PDE1C: variants seen among roughly 807,000 people sequenced by gnomAD.
PDE1C encodes the protein dual specificity calcium/calmodulin-dependent 3',5'-cyclic nucleotide phosphodiesterase 1C.
Under a neutral mutation model 93.1 loss-of-function variants are expected in PDE1C, and 62 were observed. That is an observed-to-expected ratio of 0.67 (90% CI 0.54 to 0.82). The LOEUF (loss-of-function observed/expected upper bound fraction) is 0.82. PDE1C is among the 40% of genes least tolerant of loss of function. The probability of loss-of-function intolerance (pLI) is 0.00; values close to 1 mark genes in which losing one functional copy is unlikely to be tolerated. For synonymous variants in PDE1C, 325 were observed against 310.1 expected (o/e 1.05, Z -0.50); for missense variants, 742 against 884.6 (o/e 0.84, Z 2.04).
intron 3 of PDE1C, among the ~76,000 whole-genome samples, chr7:32,123,924 T>C (rs1799433652): frequency 6.6e-6 from 1 of 152,216 alleles, no homozygotes; most frequent in Non-Finnish European, 1.5e-5. Context: ...TTGTGTCTGT[T>C]TGTGATGACG....
At chr7:31,645,874 T>C in the PDE1C span, among the ~76,000 whole-genome samples, 1 of 152,064 alleles carries the variant, frequency 6.6e-6, no homozygotes, top group Non-Finnish European at 1.5e-5. Context: ...ATGTCAGTAG[T>C]GTCAAGGCTG....
chr7:31,965,207 TG>T (rs923964780), intron 2 of PDE1C, among the ~76,000 whole-genome samples: 38 of 146,286 alleles, frequency 2.6e-4, no homozygotes, highest in African/African-American at 9.7e-4. Flanking sequence ...TTAAAAACCT[TG>T]AAAAAAAATT....
intron 1 of PDE1C, among the ~76,000 whole-genome samples, chr7:32,355,991 T>C (rs1415321095): frequency 3.9e-5 from 6 of 152,244 alleles, no homozygotes; most frequent in Non-Finnish European, 7.3e-5. Flanking sequence ...TGGGATGTGT[T>C]CCTCATTGAG....
At chr7:31,904,754 T>C (rs7357122) in intron 2 of PDE1C, among the ~76,000 whole-genome samples, 64,687 of 151,918 alleles carry the variant, frequency 0.43, 15,603 homozygotes, top group Non-Finnish European at 0.54. Flanking sequence ...ATCCTCTATG[T>C]TTCATGCCTA....
the PDE1C span, among the ~76,000 whole-genome samples, chr7:31,624,185 G>A: frequency 2.7e-5 from 4 of 147,506 alleles, no homozygotes; most frequent in African/African-American, 1.0e-4. Context: ...TCGTGAAAAT[G>A]GCCATACTGC....
At chr7:32,405,101 CTTCTGTTGTACAGTATCA>C (rs1252969916) in intron 1 of PDE1C, among the ~76,000 whole-genome samples, 2 of 152,150 alleles carry the variant, frequency 1.3e-5, no homozygotes, top group African/African-American at 4.8e-5. Flanking sequence ...TAACATACCT[CTTCTGTTGTACAGTATCA>C]TTCTGTTGTA....
intron 1 of PDE1C, among the ~76,000 whole-genome samples, chr7:32,213,201 C>G (rs1398038082): frequency 6.6e-6 from 1 of 152,098 alleles, no homozygotes; most frequent in Non-Finnish European, 1.5e-5. Flanking sequence ...AATTTTTAAA[C>G]AATTGTCAGC....
intron 2 of PDE1C, among the ~76,000 whole-genome samples, chr7:32,005,165 C>T (rs1238097138): frequency 6.6e-6 from 1 of 152,124 alleles, no homozygotes; most frequent in African/African-American, 2.4e-5. Context: ...TTGATCAAAA[C>T]CCCTGGCCAT....
chr7:31,843,916 C>T (rs1440644014), intron 9 of PDE1C, among the ~76,000 whole-genome samples: 1 of 151,424 alleles, frequency 6.6e-6, no homozygotes, highest in African/African-American at 2.4e-5. Context: ...TTAGTGGTTG[C>T]TTGGGGATTA....
At chr7:31,617,315 C>T in the PDE1C span, among the ~76,000 whole-genome samples, 6,450 of 152,106 alleles carry the variant, frequency 0.042, 393 homozygotes, top group African/African-American at 0.14. Context: ...ACAAGTATTT[C>T]ATTGATAAGC....
Position 32,282,187 on chromosome 7 carries a change from A to C in PDE1C, c.85+16464T>G, listed in dbSNP as rs111789064. On this transcript the variant is annotated intron_variant, in intron 1 of 18. Transcript: ENST00000396193. ...AAAAAAAAAAGAAAGAAAGAAATATAGATGGTCGGCCGGGTGTGGTGGCTC... is the reference window on the plus strand; with the variant it reads ...AAAAAAAAAAGAAAGAAAGAAATATCGATGGTCGGCCGGGTGTGGTGGCTC... Among the ~76,000 whole-genome samples, 1,258 of 151,828 alleles carry C rather than the reference A, an allele frequency of 8.3e-3. 20 individuals carry two copies. The highest frequency in any genetic ancestry group is 0.029 in the African/African-American group (1,219 of 41,386).
At chr7:32,282,319 A>G (rs62457500) in intron 1 of PDE1C, among the ~76,000 whole-genome samples, 1 of 151,786 alleles carries the variant, frequency 6.6e-6, no homozygotes, top group Non-Finnish European at 1.5e-5. Context: ...TCTACTAAAA[A>G]TACAAAATTA....
the PDE1C span, among the ~76,000 whole-genome samples, chr7:31,680,884 G>A: frequency 6.6e-6 from 1 of 152,162 alleles, no homozygotes; most frequent in Non-Finnish European, 1.5e-5. Context: ...GTGGAAAATG[G>A]AGACATATTG....
chr7:32,345,747 A>C (rs215679), intron 1 of PDE1C, among the ~76,000 whole-genome samples: 123,187 of 152,124 alleles, frequency 0.81, 50,258 homozygotes, highest in Admixed American at 0.85. Context: ...CACATGAAAA[A>C]ATTTTCAGTA....
chr7:32,116,759 T>G (rs1395440587), intron 3 of PDE1C, among the ~76,000 whole-genome samples: 2 of 152,048 alleles, frequency 1.3e-5, no homozygotes, highest in Admixed American at 6.5e-5. Flanking sequence ...CAGTCCACAT[T>G]CCCTATTAGA....
chr7:31,925,475 TA>T (rs11350938), intron 2 of PDE1C, among the ~76,000 whole-genome samples: 151,646 of 152,122 alleles, frequency 1, 75,587 homozygotes, highest in East Asian at 1. Flanking sequence ...GAAAAACTCT[TA>T]AAAAAAAGAA....
chr7:32,160,209 T>G (rs1801826314), intron 3 of PDE1C, among the ~76,000 whole-genome samples: 1 of 151,970 alleles, frequency 6.6e-6, no homozygotes, highest in Non-Finnish European at 1.5e-5. Context: ...TCTGAACCAA[T>G]GAGCATTTTA....
chr7:32,359,511 T>C (rs916343201), intron 1 of PDE1C, among the ~76,000 whole-genome samples: 1 of 152,244 alleles, frequency 6.6e-6, no homozygotes, highest in African/African-American at 2.4e-5. Context: ...GTTGCCTCTA[T>C]GTCTCCAATA....
At chr7:31,629,232 T>C in the PDE1C span, among the ~76,000 whole-genome samples, 1 of 152,202 alleles carries the variant, frequency 6.6e-6, no homozygotes, top group Non-Finnish European at 1.5e-5. Context: ...GTCTCAGGAA[T>C]ATCTACTAAG....
Sources: gnomAD v4.1 joint callset for allele counts (sites outside exome capture counted in the v4.1 genomes callset) on GRCh38, gnomAD v4.1.1 for gene constraint, MANE v1.5 for transcripts, NCBI Gene and HGNC (gene_info 2026-07-23, HGNC 2026-07-21) for gene names.